Variants in PTPRT observed in about 807,000 individuals in gnomAD.
The protein encoded by PTPRT is protein tyrosine phosphatase receptor type T.
In PTPRT, 56 loss-of-function variants were observed where a neutral mutation model predicts 176.8. The observed-to-expected ratio is 0.32, with a 90% confidence interval of 0.26 to 0.40. PTPRT has a LOEUF of 0.40. PTPRT is among the 10% of genes least tolerant of loss of function. The probability of loss-of-function intolerance (pLI) is 1.00; values close to 1 mark genes in which losing one functional copy is unlikely to be tolerated. For synonymous variants in PTPRT, 783 were observed against 739.0 expected (o/e 1.06, Z -0.96); for missense variants, 1,540 against 1,908.2 (o/e 0.81, Z 3.60).
At chr20:42,405,579 A>G (rs1308561212) in intron 9 of PTPRT, among the ~76,000 whole-genome samples, 2 of 152,136 alleles carry the variant, frequency 1.3e-5, no homozygotes, top group Non-Finnish European at 2.9e-5. Flanking sequence ...CATTTTCTTA[A>G]TCCAGTCTAT....
chr20:42,282,600 C>CAT, intron 12 of PTPRT, 75 bp from the exon 13 acceptor site: 2 of 1,188,632 alleles, frequency 1.7e-6, no homozygotes, highest in Non-Finnish European at 2.4e-6. Flanking sequence ...GACAAAAATA[C>CAT]ATATATATTT....
At chr20:42,236,000 TA>T (rs968692417) in intron 15 of PTPRT, among the ~76,000 whole-genome samples, 1 of 152,044 alleles carries the variant, frequency 6.6e-6, no homozygotes, top group Non-Finnish European at 1.5e-5. Context: ...TTCACATCTC[TA>T]AAAATAAGAG....
chr20:42,446,470 C>T (rs1053052565), intron 9 of PTPRT, among the ~76,000 whole-genome samples: 1 of 152,080 alleles, frequency 6.6e-6, no homozygotes, highest in Non-Finnish European at 1.5e-5. Flanking sequence ...TGGCACACAG[C>T]GTCTTTTACA....
chr20:42,201,275 G>C (rs1454399032), intron 15 of PTPRT, among the ~76,000 whole-genome samples: 1 of 152,152 alleles, frequency 6.6e-6, no homozygotes, highest in Admixed American at 6.5e-5. Context: ...ACTCCAGTCT[G>C]GGTGACAGAG....
intron 18 of PTPRT, 75 bp from the exon 19 acceptor site, chr20:42,128,905 T>C (rs2146363338): frequency 1.1e-5 from 13 of 1,231,902 alleles, no homozygotes; most frequent in Non-Finnish European, 1.1e-5. Flanking sequence ...TTAGAACTAC[T>C]GTTTATTAAT....
At chr20:43,004,227 T>A (rs886419049) in intron 1 of PTPRT, among the ~76,000 whole-genome samples, 1 of 149,516 alleles carries the variant, frequency 6.7e-6, no homozygotes, top group African/African-American at 2.4e-5. Context: ...GGGATTATTA[T>A]CTACAATGTA....
At chr20:42,291,169 T>C (rs1263362146) in intron 12 of PTPRT, among the ~76,000 whole-genome samples, 2 of 152,186 alleles carry the variant, frequency 1.3e-5, no homozygotes, top group African/African-American at 4.8e-5. Context: ...CCTCTAAGAC[T>C]GTGCTGAGAT....
chr20:42,784,225 T>C (rs149660000), intron 3 of PTPRT, among the ~76,000 whole-genome samples: 2 of 152,306 alleles, frequency 1.3e-5, no homozygotes, highest in African/African-American at 2.4e-5. Flanking sequence ...ATGGTTTTTG[T>C]TCATACTTGG....
At chr20:43,119,695 C>T (rs2013186850) in intron 1 of PTPRT, among the ~76,000 whole-genome samples, 1 of 152,102 alleles carries the variant, frequency 6.6e-6, no homozygotes, top group Admixed American at 6.6e-5. Context: ...ATGATTATTG[C>T]CAAAAAATTT....
intron 7 of PTPRT, among the ~76,000 whole-genome samples, chr20:42,551,841 G>A (rs888984057): frequency 1.3e-5 from 2 of 152,056 alleles, no homozygotes; most frequent in Admixed American, 1.3e-4. Context: ...TGTTTTCCTG[G>A]ACCTTCCCCA....
chr20:42,519,351 T>A (rs979586487), intron 7 of PTPRT, among the ~76,000 whole-genome samples: 1 of 152,136 alleles, frequency 6.6e-6, no homozygotes, highest in Non-Finnish European at 1.5e-5. Context: ...TACCAATTTG[T>A]TTAACTATTC....
At chr20:42,933,266 CT>C (rs1295290013) in intron 1 of PTPRT, among the ~76,000 whole-genome samples, 1 of 152,208 alleles carries the variant, frequency 6.6e-6, no homozygotes, top group Non-Finnish European at 1.5e-5. Context: ...ATCCTGCCAC[CT>C]ACCAACCCAA....
At chr20:42,384,967 C>G (rs985512833) in intron 9 of PTPRT, among the ~76,000 whole-genome samples, 1 of 152,074 alleles carries the variant, frequency 6.6e-6, no homozygotes, top group Non-Finnish European at 1.5e-5. Flanking sequence ...ATATGAGTTC[C>G]TTATATAATT....
intron 5 of PTPRT, among the ~76,000 whole-genome samples, chr20:42,765,660 G>A (rs1326966856): frequency 6.6e-6 from 1 of 151,586 alleles, no homozygotes; most frequent in Non-Finnish European, 1.5e-5. Flanking sequence ...GGAGTTATAG[G>A]AGTGTCTATG....
chr20:42,435,949 T>C (rs78533570), intron 9 of PTPRT, among the ~76,000 whole-genome samples: 2,991 of 152,182 alleles, frequency 0.02, 109 homozygotes, highest in African/African-American at 0.067. Context: ...CAGAAAAAAA[T>C]TCATGCATAT....
intron 7 of PTPRT, among the ~76,000 whole-genome samples, chr20:42,569,360 G>A (rs550695605): frequency 1.8e-4 from 28 of 151,836 alleles, no homozygotes; most frequent in African/African-American, 5.6e-4. Flanking sequence ...ATTCTTCTTC[G>A]TATCTAAAGT....
chr20:42,458,704 C>T (rs549587021), intron 8 of PTPRT, among the ~76,000 whole-genome samples: 1 of 152,266 alleles, frequency 6.6e-6, no homozygotes, highest in Non-Finnish European at 1.5e-5. Flanking sequence ...TGTTATATTG[C>T]TAATCATAGA....
At chr20:42,487,424 C>T (rs889042148) in intron 7 of PTPRT, among the ~76,000 whole-genome samples, 5 of 152,120 alleles carry the variant, frequency 3.3e-5, no homozygotes, top group Non-Finnish European at 7.4e-5. Flanking sequence ...AATATCAGCC[C>T]CCAAAGAGGT....
At chr20:43,135,771 A>G (rs576679134) in intron 1 of PTPRT, among the ~76,000 whole-genome samples, 12 of 152,352 alleles carry the variant, frequency 7.9e-5, no homozygotes, top group African/African-American at 2.9e-4. Flanking sequence ...GCTGCATTAA[A>G]GAATGCAAGT....
Sources: gnomAD v4.1 joint callset for allele counts (sites outside exome capture counted in the v4.1 genomes callset) on GRCh38, gnomAD v4.1.1 for gene constraint, MANE v1.5 for transcripts, NCBI Gene and HGNC (gene_info 2026-07-23, HGNC 2026-07-21) for gene names.